Variants in DEFA3 observed in about 807,000 individuals in gnomAD.
DEFA3 encodes the protein neutrophil defensin 3.
For missense variants in DEFA3, 8 were observed against 128.1 expected (o/e 0.06, Z 4.53); for synonymous variants, 3 against 47.2 (o/e 0.06, Z 3.84).
At chr8:7,016,448 A>G (rs1254570956) in intron 2 of DEFA3, among the ~76,000 whole-genome samples, 2 of 146,196 alleles carry the variant, frequency 1.4e-5, no homozygotes, top group African/African-American at 2.6e-5. Context: ...GTCTCTTCAT[A>G]TCTTAAACTT....
intron 1 of DEFA3, among the ~76,000 whole-genome samples, chr8:7,017,512 C>T (rs1269313395): frequency 4.2e-5 from 5 of 118,996 alleles, no homozygotes; most frequent in African/African-American, 1.6e-4. Context: ...TAACAATTAA[C>T]AATTGTATAT....
rs1810952966 is a variant in DEFA3 at position 7,016,062 on chromosome 8, T to C, written c.213A>G (p.Pro71=). The C allele has an allele frequency of 1.4e-6, 2 of 1,468,838 alleles. No homozygotes were observed. Among genetic ancestry groups the C allele is most frequent in the Admixed American group, 3.6e-5 (2 of 55,824 alleles). 91.0% of individuals were successfully genotyped at this position (1,468,838 alleles called of 1,614,324 possible). ...AGCGACGTTCTCCTGCAATGCACGCTGGTATTCTGCAATAGCAGTCCATGT... is the reference window on the plus strand; with the variant it reads ...AGCGACGTTCTCCTGCAATGCACGCCGGTATTCTGCAATAGCAGTCCATGT... ...RKNMDCYCRI[P]ACIAGERRYG... is the part of the protein sequence containing the mutation. Residue 71 remains proline (P), a synonymous_variant, in exon 3 of 3, where the codon CCA becomes CCG. Transcript: ENST00000327857.
At chr8:7,016,515 G>T (rs4102679) in intron 2 of DEFA3, among the ~76,000 whole-genome samples, 161 bp downstream of exon 2, 21,355 of 109,228 alleles carry the variant, frequency 0.2, 1,120 homozygotes, top group African/African-American at 0.3. Context: ...AAGTTTCTCA[G>T]GTTTATTTGG....
At chr8:7,017,874 T>A (rs1262470939) in intron 1 of DEFA3, among the ~76,000 whole-genome samples, 1 of 152,240 alleles carries the variant, frequency 6.6e-6, no homozygotes, top group Non-Finnish European at 1.5e-5. Context: ...AATATCTGAA[T>A]ACATAAGGAA....
chr8:7,017,247 C>T (rs1191381578), intron 1 of DEFA3, among the ~76,000 whole-genome samples: 1 of 116,846 alleles, frequency 8.6e-6, no homozygotes. Flanking sequence ...ATGGGTCCTG[C>T]TGTTCTCTGG....
At chr8:7,016,446 A>G (rs1208263835) in intron 2 of DEFA3, among the ~76,000 whole-genome samples, 2 of 146,066 alleles carry the variant, frequency 1.4e-5, no homozygotes, top group East Asian at 1.9e-4. Context: ...CTGTCTCTTC[A>G]TATCTTAAAC....
At chr8:7,017,990 T>C (rs544883660) in intron 1 of DEFA3, among the ~76,000 whole-genome samples, 1 of 151,544 alleles carries the variant, frequency 6.6e-6, no homozygotes, top group African/African-American at 2.4e-5. Flanking sequence ...TGATAGTCTC[T>C]ACTGGACATG....
chr8:7,017,151 G>T (rs4082283), intron 1 of DEFA3, among the ~76,000 whole-genome samples: 51,865 of 113,540 alleles, frequency 0.46, 19,588 homozygotes, highest in African/African-American at 0.71. Context: ...TAAATATTAT[G>T]ATTTACTTTT....
intron 2 of DEFA3, 80 bp downstream of exon 2, chr8:7,016,596 G>C (rs1192727467): frequency 1.6e-6 from 1 of 617,568 alleles, no homozygotes; most frequent in Non-Finnish European, 2.9e-6. Context: ...CAGTGACATA[G>C]ACTGCTGAGA....
rs1015429346 is a variant in DEFA3 at position 7,018,091 on chromosome 8, C to G, written c.-13+131G>C. The stretch of plus-strand genomic sequence containing the variant: ...ATCGTCCCCAGCAGTCACCAGAGGT[C>G]CGGACAGACGTTCCTAGCAGGGATT... On this transcript the variant is annotated intron_variant, in intron 1 of 2. Coordinates refer to ENST00000327857, the MANE Select transcript of DEFA3 (RefSeq NM_005217.4). 19 of 150,092 alleles carry G rather than the reference C, an allele frequency of 1.3e-4. No individual in the cohort carries two copies. The Admixed American group carries it at 1.3e-3, about 10-fold the overall frequency. 9.3% of individuals were successfully genotyped at this position (150,092 alleles called of 1,614,324 possible). A position where few individuals can be genotyped will look rare whatever the true frequency, so the allele number is the denominator to read the frequency against.
At chr8:7,016,328 C>A (rs1362859922) in intron 2 of DEFA3, among the ~76,000 whole-genome samples, 9 of 151,812 alleles carry the variant, frequency 5.9e-5, no homozygotes, top group Non-Finnish European at 1.0e-4. Flanking sequence ...ATCACACACA[C>A]ACCTGAACAT....
intron 2 of DEFA3, among the ~76,000 whole-genome samples, 182 bp from the exon 3 acceptor site, chr8:7,016,281 T>C (rs1185552778): frequency 2.0e-5 from 3 of 152,204 alleles, no homozygotes; most frequent in African/African-American, 7.2e-5. Context: ...AATTTGAGAC[T>C]CATTCTCCTT....
chr8:7,016,384 A>G (rs1421746374), intron 2 of DEFA3, among the ~76,000 whole-genome samples: 20 of 115,784 alleles, frequency 1.7e-4, no homozygotes, highest in Middle Eastern at 4.5e-3. Flanking sequence ...CTGTAGAGTA[A>G]AATGTTCTCT....
chr8:7,018,086 G>A (rs1238900128), intron 1 of DEFA3, 136 bp downstream of exon 1: 1 of 150,036 alleles, frequency 6.7e-6, no homozygotes, highest in African/African-American at 2.5e-5. Context: ...GCAGTCACCA[G>A]AGGTCCGGAC....
chr8:7,016,423 A>G (rs1427878996), intron 2 of DEFA3, among the ~76,000 whole-genome samples: 1 of 143,226 alleles, frequency 7.0e-6, no homozygotes, highest in Non-Finnish European at 1.5e-5. Context: ...GTTTAGATCC[A>G]GAAATAACTA....
intron 2 of DEFA3, among the ~76,000 whole-genome samples, chr8:7,016,309 T>A (rs1330061698): frequency 6.6e-6 from 1 of 152,042 alleles, no homozygotes; most frequent in Non-Finnish European, 1.5e-5. Flanking sequence ...ATTTTTGCAT[T>A]CCTGCCCCAT....
intron 2 of DEFA3, among the ~76,000 whole-genome samples, chr8:7,016,339 A>G (rs866391352): frequency 0.015 from 2,265 of 149,100 alleles, no homozygotes; most frequent in African/African-American, 0.033. Context: ...ACCTGAACAT[A>G]CCCTCAGGCT....
rs1811067157 is a variant in DEFA3, at chr8:7,018,274, C to T, written c.-65G>A. The T allele has an allele frequency of 6.7e-6, 1 of 149,028 alleles. No individual in the cohort carries two copies. Among genetic ancestry groups the T allele is most frequent in the Non-Finnish European group, 1.5e-5 (1 of 67,396 alleles). The allele number at this position is 149,028 out of a possible 1,614,324, so 9.2% of individuals were successfully genotyped here. On this transcript the variant is annotated 5_prime_UTR_variant, in exon 1 of 3. Transcript: ENST00000327857. Reference sequence around the variant, plus strand: ...GAGAGGGCAGACAGCAGTCCTCTGTCCCAGGTCTTCTATAGCAAGGAGCAG... The same window carrying T: ...GAGAGGGCAGACAGCAGTCCTCTGTTCCAGGTCTTCTATAGCAAGGAGCAG...
At chr8:7,018,131 C>G (rs1414127979) in intron 1 of DEFA3, 91 bp downstream of exon 1, 1 of 150,670 alleles carries the variant, frequency 6.6e-6, no homozygotes, top group African/African-American at 2.5e-5. Flanking sequence ...CGCTGGGTCC[C>G]TCTGGGGCGG....
Sources: allele counts gnomAD v4.1 joint callset (sites outside exome capture counted in the v4.1 genomes callset), GRCh38; gene constraint gnomAD v4.1.1; transcripts MANE v1.5; gene names NCBI Gene and HGNC (gene_info 2026-07-23, HGNC 2026-07-21).